Variants in RARB observed in about 807,000 individuals in gnomAD.
The protein encoded by RARB is HBV-activated protein.
In RARB, 17 loss-of-function variants were observed where a neutral mutation model predicts 51.9. The ratio of observed to expected loss-of-function variants is 0.33; its 90% CI spans 0.22 to 0.49. RARB has a LOEUF of 0.49. Ranked by LOEUF, RARB falls within the 20% of genes least tolerant of loss-of-function variation. The pLI is 0.99. For synonymous variants in RARB, 215 were observed against 195.4 expected, an observed-to-expected ratio of 1.10 and a Z score of -0.84; for missense variants, 369 against 550.8, an observed-to-expected ratio of 0.67 and a Z score of 3.30.
At chr3:25,507,997 A>T (rs895203165) in intron 3 of RARB, among the ~76,000 whole-genome samples, 11 of 152,160 alleles carry the variant, frequency 7.2e-5, no homozygotes, top group Admixed American at 1.3e-4. Flanking sequence ...GTGAATTCAC[A>T]CAGGGAGCCT....
chr3:24,903,405 C>T (rs1417656923), intron 2 of RARB, among the ~76,000 whole-genome samples: 4 of 151,786 alleles, frequency 2.6e-5, no homozygotes, highest in Non-Finnish European at 5.9e-5. Flanking sequence ...ATTAAGTTTC[C>T]CCGGTGTTTA....
intron 5 of RARB, among the ~76,000 whole-genome samples, chr3:25,178,769 T>G (rs1700805962): frequency 6.6e-6 from 1 of 152,178 alleles, no homozygotes; most frequent in African/African-American, 2.4e-5. Flanking sequence ...CTGCCTTTGA[T>G]AAGCATGACT....
chr3:25,385,834 G>T (rs1021605971), intron 5 of RARB, among the ~76,000 whole-genome samples: 1 of 152,072 alleles, frequency 6.6e-6, no homozygotes, highest in Admixed American at 6.6e-5. Flanking sequence ...CCAGGGCCAC[G>T]GTTCTTAGTC....
intron 3 of RARB, among the ~76,000 whole-genome samples, chr3:25,536,714 C>A (rs1442791983): frequency 6.6e-6 from 1 of 152,136 alleles, no homozygotes. Flanking sequence ...CTGTGTTGAG[C>A]AAATGCAGCT....
intron 1 of RARB, among the ~76,000 whole-genome samples, chr3:24,841,144 G>T (rs1241076454): frequency 6.6e-6 from 1 of 152,160 alleles, no homozygotes; most frequent in Admixed American, 6.6e-5. Context: ...AAAACCAAAT[G>T]TTTCCCCATT....
At chr3:25,359,057 G>A (rs35714766) in intron 5 of RARB, among the ~76,000 whole-genome samples, 130,174 of 152,072 alleles carry the variant, frequency 0.86, 56,104 homozygotes, top group East Asian at 1. Context: ...AAGGAATGGT[G>A]CCACTTCCTC....
At chr3:25,276,272 A>G (rs1703381059) in intron 5 of RARB, among the ~76,000 whole-genome samples, 1 of 152,178 alleles carries the variant, frequency 6.6e-6, no homozygotes, top group African/African-American at 2.4e-5. Context: ...TGAGCATTTC[A>G]TCATATTTTT....
At chr3:25,360,618 T>A (rs910370781) in intron 5 of RARB, among the ~76,000 whole-genome samples, 11 of 152,170 alleles carry the variant, frequency 7.2e-5, no homozygotes, top group African/African-American at 2.7e-4. Flanking sequence ...TGGTACCGGT[T>A]TTTCCTTTTC....
At chr3:25,369,670 C>T (rs1706239258) in intron 5 of RARB, among the ~76,000 whole-genome samples, 1 of 152,188 alleles carries the variant, frequency 6.6e-6, no homozygotes, top group Non-Finnish European at 1.5e-5. Context: ...CGCCTGTAAT[C>T]CCAGCACTTT....
chr3:24,941,440 G>A (rs1695665322), intron 2 of RARB, among the ~76,000 whole-genome samples: 1 of 151,734 alleles, frequency 6.6e-6, no homozygotes, highest in Non-Finnish European at 1.5e-5. Flanking sequence ...CACGATCTCG[G>A]CTCACTGCAA....
intron 4 of RARB, among the ~76,000 whole-genome samples, chr3:25,157,631 A>C (rs1349310098): frequency 1.3e-5 from 2 of 152,150 alleles, no homozygotes; most frequent in Non-Finnish European, 2.9e-5. Context: ...TCCTGGCCTC[A>C]AGCGATCTGC....
intron 3 of RARB, among the ~76,000 whole-genome samples, chr3:25,064,231 TATA>T (rs1398175859): frequency 6.6e-6 from 1 of 152,140 alleles, no homozygotes; most frequent in African/African-American, 2.4e-5. Context: ...AAAATAGTAA[TATA>T]ATGGCAATAG....
chr3:25,399,770 C>T (rs1427839026), intron 5 of RARB, among the ~76,000 whole-genome samples: 8 of 152,160 alleles, frequency 5.3e-5, no homozygotes, highest in Non-Finnish European at 1.2e-4. Context: ...TTAGCTGGAA[C>T]CAGAAGTAAA....
intron 5 of RARB, among the ~76,000 whole-genome samples, chr3:25,367,258 C>A (rs546633808): frequency 5.1e-4 from 77 of 152,244 alleles, no homozygotes; most frequent in Non-Finnish European, 5.1e-4. Flanking sequence ...GCTATGGTAG[C>A]ATTTGAGCAA....
At position 25,575,248 on chromosome 3, in the gene RARB, G is replaced by A. The variant is rs138045282; in HGVS notation, c.610-5298G>A. ...AGGTGGAGTTCTGGCGATAACGCTC[G>A]CTCCTGGCCACTCACCTCCTGCCGT... On this transcript the variant is annotated intron_variant, in intron 4 of 7. Transcript: ENST00000330688. Among the ~76,000 whole-genome samples the A allele has an allele frequency of 2.5e-3, 376 of 152,258 alleles. 2 individuals carry two copies. The highest frequency in any genetic ancestry group is 0.017 in the Middle Eastern group (5 of 294).
intron 3 of RARB, among the ~76,000 whole-genome samples, chr3:25,556,007 A>ATTTT (rs35199932): frequency 6.7e-6 from 1 of 149,012 alleles, no homozygotes. Flanking sequence ...GACATCTTGT[A>ATTTT]TTTTTTTTTT....
chr3:24,935,589 A>G (rs1352778567), intron 2 of RARB, among the ~76,000 whole-genome samples: 1 of 152,112 alleles, frequency 6.6e-6, no homozygotes, highest in Admixed American at 6.6e-5. Flanking sequence ...TCTATAGGCA[A>G]ATATTGGAAG....
intron 2 of RARB, among the ~76,000 whole-genome samples, chr3:24,882,726 C>G (rs917912498): frequency 2.0e-5 from 3 of 152,108 alleles, no homozygotes; most frequent in African/African-American, 7.2e-5. Flanking sequence ...AACTTGTTAC[C>G]CAGTCCACAG....
intron 5 of RARB, among the ~76,000 whole-genome samples, chr3:25,386,136 C>A (rs1455807325): frequency 1.3e-5 from 2 of 152,110 alleles, no homozygotes; most frequent in Admixed American, 6.5e-5. Context: ...ACCAGGGACA[C>A]AAACAGAGCT....
Sources: allele counts gnomAD v4.1 joint callset (sites outside exome capture counted in the v4.1 genomes callset), GRCh38; gene constraint gnomAD v4.1.1; transcripts MANE v1.5; gene names NCBI Gene and HGNC (gene_info 2026-07-23, HGNC 2026-07-21).